The following TDRD6 variants were observed in gnomAD, a reference collection of about 807,000 sequenced individuals.
TDRD6 encodes the protein tudor domain containing 6.
In TDRD6, 186 loss-of-function variants were observed where a neutral mutation model predicts 157.5. That is an observed-to-expected ratio of 1.18 (90% confidence interval 1.05 to 1.33). The LOEUF (loss-of-function observed/expected upper bound fraction) is 1.33, where lower values mean the gene tolerates loss of function less well. TDRD6 is among the 40% of genes most tolerant of loss of function. The pLI is 0.00. For missense variants in TDRD6, 3,066 were observed against 2,508.0 expected, an observed-to-expected ratio of 1.22 and a Z score of -4.75; for synonymous variants, 1,075 against 945.2, an observed-to-expected ratio of 1.14 and a Z score of -2.52.
At chr6:46,696,618 T>A (rs1764511385) in intron 2 of TDRD6, among the ~76,000 whole-genome samples, 1 of 86,360 alleles carries the variant, frequency 1.2e-5, no homozygotes, top group African/African-American at 4.7e-5. Flanking sequence ...TTTTTTTTTT[T>A]TTTTTTTTTT....
Position 46,701,962 on chromosome 6 carries a change from G to A in TDRD6, c.*75G>A. ...GTGGCATCTTACGCAGACCAACAGA[G>A]TATTTGAGAAAATTGAAAACATGTA... On this transcript the variant is annotated 3_prime_UTR_variant, in exon 4 of 4. Coordinates refer to ENST00000316081, the MANE Select transcript of TDRD6 (RefSeq NM_001010870.3). The A allele has an allele frequency of 6.6e-7, 1 of 1,516,596 alleles. No individual in the cohort carries two copies. Among genetic ancestry groups the A allele is most frequent in the Non-Finnish European group, 9.0e-7 (1 of 1,107,966 alleles). 93.9% of individuals were successfully genotyped at this position (1,516,596 alleles called of 1,614,324 possible). A position where few individuals can be genotyped will look rare whatever the true frequency, so the allele number is the denominator to read the frequency against.
At chr6:46,696,509 A>G (rs12176057) in intron 2 of TDRD6, among the ~76,000 whole-genome samples, 1 of 134,902 alleles carries the variant, frequency 7.4e-6, no homozygotes, top group Admixed American at 7.9e-5. Flanking sequence ...TGTAATATAT[A>G]TGTATATATA....
At position 46,688,219 on chromosome 6, in the gene TDRD6, C is replaced by T; in HGVS notation, c.91C>T (p.Gln31Ter). 6.5e-7 allele frequency: 1 copy of T among 1,538,668 alleles called. No homozygotes were observed. Among genetic ancestry groups the T allele is most frequent in the South Asian group, 1.2e-5 (1 of 84,312 alleles). Residue 31 changes from glutamine to a stop codon, truncating the protein, a stop_gained, in exon 1 of 4, where the codon CAG (glutamine) becomes TAG (stop). Transcript: ENST00000316081. LOFTEE classifies it high-confidence loss of function. ...CGTGCATCCCGATGTGATCCCGGTG[C>T]AGCTGTGGGGGCTGGTGGGCGAGCG... ...VDVHPDVIPV[Q>*]LWGLVGERRG...
intron 3 of TDRD6, among the ~76,000 whole-genome samples, chr6:46,700,488 CT>C (rs1227440226): frequency 3.3e-5 from 5 of 151,948 alleles, no homozygotes; most frequent in African/African-American, 1.2e-4. Flanking sequence ...AATCTAATTA[CT>C]TTTTTTAAAA....
chr6:46,690,195 C>T lies in TDRD6; in HGVS notation c.2067C>T (p.Asn689=), dbSNP rs1041832527. The change falls in exon 1 of 4, where the codon AAC becomes AAT. Residue 689 remains asparagine (N), a synonymous_variant. Transcript: ENST00000316081. The part of the protein sequence containing the change: ...VNAHSPGHVS[N]HFTTESNKIP... ...CCCACTCCCCAGGGCATGTTTCAAA[C>T]CACTTTACTACGGAGAGTAACAAAA... 7 of 1,613,726 alleles carry T rather than the reference C, an allele frequency of 4.3e-6. No individual in the cohort carries two copies. Among genetic ancestry groups the T allele is most frequent in the South Asian group, 1.1e-5 (1 of 91,076 alleles).
In TDRD6 at chr6:46,688,696, CA is replaced by C; in HGVS notation, c.569del (p.Gln190ArgfsTer61). Reference sequence around the variant, plus strand: ...CCTGGAGGTGCCTGATGTGTTCCAACAGATGCGGGAGCTGGGCCTGGCTCGG... The same window carrying C: ...CCTGGAGGTGCCTGATGTGTTCCAACGATGCGGGAGCTGGGCCTGGCTCGG... ...VLLEVPDVFQ[Q>X]MRELGLARRV... On this transcript the variant is annotated frameshift_variant, in exon 1 of 4. Coordinates refer to ENST00000316081, the MANE Select transcript of TDRD6 (RefSeq NM_001010870.3). LOFTEE classifies it high-confidence loss of function. The C allele has an allele frequency of 6.2e-7, 1 of 1,600,774 alleles. No homozygotes were observed. The highest frequency in any genetic ancestry group is 1.7e-4 in the Middle Eastern group (1 of 6,060).
intron 3 of TDRD6, among the ~76,000 whole-genome samples, chr6:46,700,556 T>C (rs950150948): frequency 2.0e-5 from 3 of 152,232 alleles, no homozygotes; most frequent in Admixed American, 6.5e-5. Flanking sequence ...TGTTAGTTAC[T>C]GTATCACATA....
rs12528857 is a variant in TDRD6 at position 46,702,199 on chromosome 6, C to A, written c.*312C>A. The A allele has an allele frequency of 0.18, 39,491 of 215,578 alleles. 4,264 individuals carry two copies. The highest frequency in any genetic ancestry group is 0.28 in the South Asian group (1,565 of 5,618). 13.4% of individuals were successfully genotyped at this position (215,578 alleles called of 1,614,324 possible). A position where few individuals can be genotyped will look rare whatever the true frequency, so the allele number is the denominator to read the frequency against. Reference sequence around the variant, plus strand: ...TACATTTCAAAAACTATTTTGGTACCTTTCAAATACAGTGTTTAAATTAAA... The same window carrying A: ...TACATTTCAAAAACTATTTTGGTACATTTCAAATACAGTGTTTAAATTAAA... On this transcript the variant is annotated 3_prime_UTR_variant, in exon 4 of 4. Transcript: ENST00000316081.
chr6:46,695,778 A>G (rs995783167), intron 1 of TDRD6, 43 bp from the exon 2 acceptor site: 2 of 1,589,876 alleles, frequency 1.3e-6, no homozygotes, highest in African/African-American at 2.7e-5. Context: ...ACATTAAGGA[A>G]TTAAGAGATA....
chr6:46,692,118 A>G lies in TDRD6; in HGVS notation c.3990A>G (p.Glu1330=). 6.2e-7 allele frequency: 1 copy of G among 1,613,568 alleles called. No individual in the cohort carries two copies. ...TTCAACTAATAGAAGATGAAGCTGA[A>G]ATTAGTCATCTTTCAGAGAGATTAA... ...FYVQLIEDEA[E]ISHLSERLNS... is the part of the protein sequence containing the mutation. The change falls in exon 1 of 4, where the codon GAA becomes GAG. Residue 1330 remains glutamate, a synonymous_variant. Transcript: ENST00000316081.
In TDRD6 at chr6:46,702,550, G is replaced by A. The variant is rs1218130812; in HGVS notation, c.*663G>A. The A allele has an allele frequency of 6.6e-6, 1 of 152,106 alleles. No individual in the cohort carries two copies. The highest frequency in any genetic ancestry group is 2.4e-5 in the African/African-American group (1 of 41,432). The allele number at this position is 152,106 out of a possible 1,614,324, so 9.4% of individuals were successfully genotyped here. ...ATTAAATGTTAGCTCTTATGTATTAGTCACTTAGCTTATACTTTAAATGCA... is the reference window on the plus strand; with the variant it reads ...ATTAAATGTTAGCTCTTATGTATTAATCACTTAGCTTATACTTTAAATGCA... On this transcript the variant is annotated 3_prime_UTR_variant, in exon 4 of 4. Coordinates refer to ENST00000316081, the MANE Select transcript of TDRD6 (RefSeq NM_001010870.3).
At position 46,688,137 on chromosome 6, in the gene TDRD6, G is replaced by C; in HGVS notation, c.9G>C (p.Ser3=). The C allele has an allele frequency of 3.3e-6, 5 of 1,536,394 alleles. No homozygotes were observed. In the South Asian group the frequency reaches 4.7e-5, roughly 15 times the overall value. Residue 3 remains serine, a synonymous_variant, in exon 1 of 4, where the codon TCG becomes TCC. Transcript: ENST00000316081. MC[S]TPGMPAPGAS... is the part of the protein sequence containing the mutation. The stretch of plus-strand genomic sequence containing the variant: ...CGCGCCGCGCCGTCAAGATGTGCTC[G>C]ACGCCCGGAATGCCGGCGCCGGGGG...
intron 2 of TDRD6, 103 bp from the exon 3 acceptor site, chr6:46,697,889 AAATAAT>A (rs765087436): frequency 9.2e-6 from 5 of 541,156 alleles, no homozygotes; most frequent in South Asian, 4.0e-5. Context: ...CCCTATCTCA[AAATAAT>A]AATAATAATA....
rs749077722 is a variant in TDRD6 at position 46,698,049 on chromosome 6, T to C, written c.6223T>C (p.Trp2075Arg). Reference protein sequence around the residue: ...MEEIVNPENVWNGIPKLDKSP... With the variant: ...MEEIVNPENVRNGIPKLDKSP... Reference sequence around the variant, plus strand: ...GGAGATAGTGAACCCTGAGAATGTCTGGAATGGCATACCCAAATTGGATAA... The same window carrying C: ...GGAGATAGTGAACCCTGAGAATGTCCGGAATGGCATACCCAAATTGGATAA... The change falls in exon 3 of 4, where the codon TGG becomes CGG. Residue 2075 changes from tryptophan (W) to arginine (R), a missense_variant. Coordinates refer to ENST00000316081, the MANE Select transcript of TDRD6 (RefSeq NM_001010870.3). 6.2e-7 allele frequency: 1 copy of C among 1,611,220 alleles called. No individual in the cohort carries two copies. Among genetic ancestry groups the C allele is most frequent in the Non-Finnish European group, 8.5e-7 (1 of 1,178,090 alleles).
upstream of TDRD6, among the ~76,000 whole-genome samples, chr6:46,685,016 T>G (rs893977983): frequency 6.8e-6 from 1 of 146,382 alleles, no homozygotes; most frequent in African/African-American, 2.5e-5. Context: ...CATTGTGGGT[T>G]TTTTTTTTTT....
rs748358919 is a variant in TDRD6 at position 46,689,046 on chromosome 6, G to A, written c.918G>A (p.Arg306=). The A allele has an allele frequency of 1.2e-5, 19 of 1,613,772 alleles. No homozygotes were observed. Among genetic ancestry groups the A allele is most frequent in the Admixed American group, 1.2e-4 (7 of 59,994 alleles). The change falls in exon 1 of 4, where the codon AGG becomes AGA. Residue 306 remains arginine (R), a synonymous_variant. Coordinates refer to ENST00000316081, the MANE Select transcript of TDRD6 (RefSeq NM_001010870.3). ...ENSTSATWEE[R]EESPDKPGSP... is the part of the protein sequence containing the mutation. ...CTACCAGTGCCACCTGGGAGGAGAG[G>A]GAGGAGAGCCCAGATAAGCCGGGCT...
Position 46,692,703 on chromosome 6 carries a change from C to A in TDRD6, c.4575C>A (p.Ala1525=), listed in dbSNP as rs142276292. 1.2e-6 allele frequency: 2 copies of A among 1,614,042 alleles called. No individual in the cohort carries two copies. The highest frequency in any genetic ancestry group is 1.7e-6 in the Non-Finnish European group (2 of 1,180,006). Residue 1525 remains alanine (A), a synonymous_variant, in exon 1 of 4, where the codon GCC becomes GCA. Coordinates refer to ENST00000316081, the MANE Select transcript of TDRD6 (RefSeq NM_001010870.3). ...NPEKKMIRAY[A]TVIDGPEYFW... ...AAAAAAAAATGATAAGAGCTTATGC[C>A]ACTGTGATAGATGGACCTGAGTACT...
chr6:46,701,443 T>C (rs1764621680), intron 3 of TDRD6, among the ~76,000 whole-genome samples: 1 of 152,156 alleles, frequency 6.6e-6, no homozygotes, highest in African/African-American at 2.4e-5. Flanking sequence ...TGGTTCTTGG[T>C]ATTGCACATT....
chr6:46,691,480 A>G lies in TDRD6; in HGVS notation c.3352A>G (p.Thr1118Ala), dbSNP rs767338406. ...AGAAGTGGTGGTGTGGTTTCAGGAG[A>G]CTATTTTAGATAAGTCATTGAAGGC... ...PEEVVVWFQE[T>A]ILDKSLKALV... Residue 1118 changes from threonine to alanine, a missense_variant, in exon 1 of 4, where the codon ACT becomes GCT. By Grantham distance (58) the Thr-to-Ala change is moderately conservative. Transcript: ENST00000316081. 6.2e-7 allele frequency: 1 copy of G among 1,614,048 alleles called. No individual in the cohort carries two copies. The highest frequency in any genetic ancestry group is 1.7e-5 in the Admixed American group (1 of 60,016).
Sources: gnomAD v4.1 joint callset for allele counts (sites outside exome capture counted in the v4.1 genomes callset) on GRCh38, gnomAD v4.1.1 for gene constraint, MANE v1.5 for transcripts, NCBI Gene and HGNC (gene_info 2026-07-23, HGNC 2026-07-21) for gene names.